Variants in FAXDC2 observed in about 807,000 individuals in gnomAD.
FAXDC2 encodes fatty acid hydroxylase domain containing 2.
FAXDC2 carries 41 observed loss-of-function variants against 40.9 expected under a neutral mutation model. That is an observed-to-expected ratio of 1.00 (90% CI 0.78 to 1.30). The LOEUF is 1.30. FAXDC2 is among the 50% of genes most tolerant of loss of function. The pLI, the probability that FAXDC2 is intolerant of heterozygous loss-of-function variation, is 0.00. For synonymous variants in FAXDC2, 157 were observed against 149.3 expected, an observed-to-expected ratio of 1.05 and a Z score of -0.38; for missense variants, 390 against 408.8, an observed-to-expected ratio of 0.95 and a Z score of 0.40.
intron 5 of FAXDC2, chr5:154,824,685 C>T (rs2113125894): frequency 3.1e-6 from 2 of 645,130 alleles, no homozygotes; most frequent in Non-Finnish European, 5.6e-6. Context: ...CACTATGTAG[C>T]ACTCAGTGTA....
chr5:154,849,941 G>A (rs1760690313), intron 1 of FAXDC2, among the ~76,000 whole-genome samples: 1 of 152,182 alleles, frequency 6.6e-6, no homozygotes, highest in Non-Finnish European at 1.5e-5. Context: ...ATCCAAGTAT[G>A]TTGCATCAAA....
intron 6 of FAXDC2, among the ~76,000 whole-genome samples, chr5:154,823,012 CTTTTA>C (rs559950474): frequency 0.016 from 2,400 of 152,098 alleles, 62 homozygotes; most frequent in Admixed American, 0.069. Context: ...AGCCTGTTCC[CTTTTA>C]TTTTTTTTCT....
intron 1 of FAXDC2, among the ~76,000 whole-genome samples, chr5:154,848,506 T>C (rs1760657651): frequency 6.6e-6 from 1 of 152,114 alleles, no homozygotes; most frequent in South Asian, 2.1e-4. Flanking sequence ...GACTGTATGC[T>C]AGGAAAAAGC....
At chr5:154,835,883 CTTTTT>C (rs869068025) in intron 2 of FAXDC2, among the ~76,000 whole-genome samples, 16 of 47,864 alleles carry the variant, frequency 3.3e-4, no homozygotes, top group African/African-American at 1.0e-3. Context: ...GCCCGGCCGA[CTTTTT>C]TTTTTTTTTT....
At position 154,834,743 on chromosome 5, in the gene FAXDC2, C is replaced by A; in HGVS notation, c.141-15G>T. 1 of 1,612,884 alleles carries A rather than the reference C, an allele frequency of 6.2e-7. No homozygotes were observed. Among genetic ancestry groups the A allele is most frequent in the South Asian group, 1.1e-5 (1 of 90,990 alleles). On this transcript the variant is annotated splice_polypyrimidine_tract_variant and intron_variant, in intron 3 of 8. Coordinates refer to ENST00000326080, the MANE Select transcript of FAXDC2 (RefSeq NM_032385.5). The stretch of plus-strand genomic sequence containing the variant: ...TCTGAAGATGCCTTGGAAAAAAAAC[C>A]AGGTTTCTGGGTGAAGACTAGTGGG...
chr5:154,821,371 G>A lies in FAXDC2; in HGVS notation c.734C>T (p.Ser245Phe). ...VGPLVMGSHL[S>F]SITMWFSLAL... is the part of the protein sequence containing the mutation. ...CAAGGAAAACCACATGGTGATGGAG[G>A]ACAAGTGGGAGCCCATTACTAATGG... is the stretch of plus-strand genomic sequence containing the variant. The change falls in exon 8 of 9, where the codon TCC becomes TTC. Residue 245 changes from serine (S) to phenylalanine (F), a missense_variant. Transcript: ENST00000326080. The A allele has an allele frequency of 6.2e-7, 1 of 1,612,046 alleles. No homozygotes were observed. Among genetic ancestry groups the A allele is most frequent in the South Asian group, 1.1e-5 (1 of 90,826 alleles).
chr5:154,841,795 G>A (rs1760480544), intron 1 of FAXDC2, among the ~76,000 whole-genome samples: 2 of 151,752 alleles, frequency 1.3e-5, no homozygotes, highest in African/African-American at 2.4e-5. Context: ...GAGTGCAGTG[G>A]CACGATCTCA....
intron 1 of FAXDC2, among the ~76,000 whole-genome samples, chr5:154,845,958 G>GTATA (rs372753466): frequency 3.4e-4 from 51 of 148,002 alleles, no homozygotes; most frequent in Admixed American, 5.4e-4. Context: ...GCTAATTTTT[G>GTATA]TATATATATA....
chr5:154,841,739 CTTTT>C (rs796908969), intron 1 of FAXDC2, among the ~76,000 whole-genome samples: 1 of 139,328 alleles, frequency 7.2e-6, no homozygotes, highest in Non-Finnish European at 1.6e-5. Flanking sequence ...AAGTCATATT[CTTTT>C]TTTTTTTTTT....
chr5:154,837,360 C>T (rs1293217663), intron 2 of FAXDC2, among the ~76,000 whole-genome samples: 1 of 151,982 alleles, frequency 6.6e-6, no homozygotes, highest in Non-Finnish European at 1.5e-5. Context: ...AACTCTTGGC[C>T]TCATGTGATC....
chr5:154,843,606 C>T lies in FAXDC2; in HGVS notation c.1-5428G>A, dbSNP rs145083094. Among the ~76,000 whole-genome samples, 591 of 152,290 alleles carry T rather than the reference C, an allele frequency of 3.9e-3. 8 individuals are homozygous for T. The highest frequency in any genetic ancestry group is 3.2e-3 in the Non-Finnish European group (219 of 68,034). On this transcript the variant is annotated intron_variant, in intron 1 of 8. Transcript: ENST00000326080. ...TTCTTCATGCTCTTGGATACATGGT[C>T]TCCAACTTCAAAACTGAACTTTCTT... is the stretch of plus-strand genomic sequence containing the variant.
At chr5:154,837,753 T>C (rs1278915728) in intron 2 of FAXDC2, among the ~76,000 whole-genome samples, 4 of 152,026 alleles carry the variant, frequency 2.6e-5, no homozygotes, top group Non-Finnish European at 2.9e-5. Flanking sequence ...TTAGCTGGGG[T>C]CAAGGGCCAG....
intron 5 of FAXDC2, chr5:154,829,394 C>A: frequency 6.5e-6 from 1 of 154,218 alleles, no homozygotes. Flanking sequence ...TTGAAACAGC[C>A]AAAGATTAAA....
At chr5:154,824,442 C>T in intron 5 of FAXDC2, 2 of 701,880 alleles carry the variant, frequency 2.8e-6, no homozygotes, top group Non-Finnish European at 5.2e-6. Flanking sequence ...TCAGAATGGT[C>T]CCCAGCTTGA....
chr5:154,824,245 C>T (rs1759964176), intron 5 of FAXDC2: 4 of 542,792 alleles, frequency 7.4e-6, no homozygotes, highest in South Asian at 6.7e-5. Flanking sequence ...CTCAATACTG[C>T]AGCCAATATT....
intron 5 of FAXDC2, among the ~76,000 whole-genome samples, chr5:154,825,754 T>A (rs916710526): frequency 1.3e-5 from 2 of 151,780 alleles, no homozygotes; most frequent in African/African-American, 4.8e-5. Context: ...GTGACTGGAT[T>A]CTGAATTTAT....
intron 1 of FAXDC2, among the ~76,000 whole-genome samples, chr5:154,844,123 C>T (rs1235590430): frequency 1.3e-5 from 2 of 151,824 alleles, no homozygotes; most frequent in African/African-American, 4.8e-5. Context: ...GAGGCTGAGA[C>T]AGGAAAATTG....
intron 5 of FAXDC2, among the ~76,000 whole-genome samples, chr5:154,827,102 C>T (rs985802636): frequency 6.6e-6 from 1 of 151,974 alleles, no homozygotes; most frequent in African/African-American, 2.4e-5. Flanking sequence ...GCCAGGAGTT[C>T]GAGACCAGCC....
chr5:154,820,473 C>T lies in FAXDC2; in HGVS notation c.846-1G>A. ...CAGCACCCCATAGCACTGGTTGAAC[C>T]TAGAAGAGAGAGGACGGCACTGCAG... On this transcript the variant is annotated splice_acceptor_variant, in intron 8 of 8. Coordinates refer to ENST00000326080, the MANE Select transcript of FAXDC2 (RefSeq NM_032385.5). LOFTEE classifies it high-confidence loss of function. The T allele has an allele frequency of 6.2e-7, 1 of 1,607,644 alleles. No homozygotes were observed. Among genetic ancestry groups the T allele is most frequent in the East Asian group, 2.2e-5 (1 of 44,726 alleles).
Sources: allele counts gnomAD v4.1 joint callset (sites outside exome capture counted in the v4.1 genomes callset), GRCh38; gene constraint gnomAD v4.1.1; transcripts MANE v1.5; gene names NCBI Gene and HGNC (gene_info 2026-07-23, HGNC 2026-07-21).